The following ADGRV1 variants were observed in gnomAD, a reference collection of about 807,000 sequenced individuals.
ADGRV1 encodes the protein adhesion G protein-coupled receptor V1.
ADGRV1 carries 359 observed loss-of-function variants against 596.2 expected under a neutral mutation model. That is an observed-to-expected ratio of 0.60 (90% confidence interval 0.55 to 0.66). ADGRV1 has a LOEUF of 0.66. Among genes scored for constraint, ADGRV1 ranks in the 30% least tolerant of loss-of-function variants. The pLI is 0.00. For synonymous variants in ADGRV1, 2,681 were observed against 2,679.2 expected (o/e 1.00, Z -0.02); for missense variants, 7,274 against 7,575.6 (o/e 0.96, Z 1.48).
intron 84 of ADGRV1, among the ~76,000 whole-genome samples, chr5:90,974,044 A>T (rs1206180256): frequency 1.3e-5 from 2 of 152,214 alleles, no homozygotes; most frequent in East Asian, 3.9e-4. Context: ...AAGCATTCTT[A>T]TACACCAATA....
At chr5:91,028,037 C>CTTT (rs748293256) in intron 85 of ADGRV1, among the ~76,000 whole-genome samples, 1,144 of 102,584 alleles carry the variant, frequency 0.011, 15 homozygotes, top group African/African-American at 0.036. Flanking sequence ...TTTTTTCTTT[C>CTTT]TTTTTTTTTT....
chr5:90,578,582 T>C (rs1757546791), intron 1 of ADGRV1, among the ~76,000 whole-genome samples: 1 of 152,160 alleles, frequency 6.6e-6, no homozygotes, highest in African/African-American at 2.4e-5. Context: ...TCTTTTTTTG[T>C]TGTGTCTCTG....
At chr5:90,573,144 A>G (rs945412775) in intron 1 of ADGRV1, among the ~76,000 whole-genome samples, 1 of 152,160 alleles carries the variant, frequency 6.6e-6, no homozygotes, top group African/African-American at 2.4e-5. Context: ...CAGCACTGGG[A>G]TGTAGCTTTT....
intron 1 of ADGRV1, among the ~76,000 whole-genome samples, chr5:90,582,875 T>G (rs10062944): frequency 0.089 from 13,558 of 152,226 alleles, 1,902 homozygotes; most frequent in African/African-American, 0.3. Context: ...TGGCTTAGTT[T>G]AAAATGAATT....
chr5:90,596,920 T>G (rs1760755071), intron 1 of ADGRV1, among the ~76,000 whole-genome samples: 1 of 152,102 alleles, frequency 6.6e-6, no homozygotes, highest in East Asian at 1.9e-4. Context: ...ACACACTTCT[T>G]AAAACAAAAA....
At chr5:91,060,396 A>ATTTTTT (rs1403489090) in intron 85 of ADGRV1, among the ~76,000 whole-genome samples, 61 of 27,202 alleles carry the variant, frequency 2.2e-3, no homozygotes, top group Middle Eastern at 0.018. Context: ...ATATATATAT[A>ATTTTTT]TATTTTTTTT....
intron 29 of ADGRV1, among the ~76,000 whole-genome samples, chr5:90,686,392 G>T (rs1745652166): frequency 6.6e-6 from 1 of 151,990 alleles, no homozygotes; most frequent in Non-Finnish European, 1.5e-5. Flanking sequence ...AGTCCCCAGA[G>T]TGTGATGTTC....
At chr5:90,650,966 TC>T (rs1468392362) in intron 17 of ADGRV1, among the ~76,000 whole-genome samples, 2 of 152,102 alleles carry the variant, frequency 1.3e-5, no homozygotes, top group Non-Finnish European at 2.9e-5. Flanking sequence ...GATAGGCACT[TC>T]AGGGAAGTGA....
rs558596968 is a variant in ADGRV1 at position 90,697,090 on chromosome 5, A to G, written c.8099A>G (p.Asn2700Ser). The change falls in exon 34 of 90, where the codon AAT becomes AGT. Residue 2700 changes from asparagine to serine, a missense_variant. By Grantham distance (46) the Asn-to-Ser change is conservative (BLOSUM62 1). This residue lies in a region of ADGRV1 where 3,643 missense variants were observed against 3,809.2 expected (regional missense o/e 0.96). Transcript: ENST00000405460. ...AGAGTGAACATTTTGGCCAATGACA[A>G]TGTGGCAGGAATTGTTAGCTTTCAG... ...TVRVNILAND[N>S]VAGIVSFQTA... 3.7e-6 allele frequency: 6 copies of G among 1,613,446 alleles called. No individual in the cohort carries two copies. The South Asian group carries it at 6.6e-5, about 18-fold the overall frequency.
In ADGRV1 at chr5:91,120,163, C is replaced by T. The variant is rs570610599; in HGVS notation, c.18432+17823C>T. On this transcript the variant is annotated intron_variant, in intron 87 of 89. Transcript: ENST00000405460. ...GCTGGAAGCAGACTCGCCTGGAGCA[C>T]GTGGTCAAGTGGGACTGTGTCTTGT... Among the ~76,000 whole-genome samples, 7 of 152,224 alleles carry T rather than the reference C, an allele frequency of 4.6e-5. No homozygotes were observed. The South Asian group carries it at 1.0e-3, about 23-fold the overall frequency.
chr5:90,654,287 G>T, intron 20 of ADGRV1: 1 of 314,994 alleles, frequency 3.2e-6, no homozygotes, highest in African/African-American at 2.2e-5. Flanking sequence ...GAGATGGGGA[G>T]TGATATTCCT....
intron 1 of ADGRV1, among the ~76,000 whole-genome samples, chr5:90,582,739 A>G (rs1198604876): frequency 6.6e-6 from 1 of 152,090 alleles, no homozygotes; most frequent in Admixed American, 6.6e-5. Flanking sequence ...TAATTAAAAA[A>G]CAAAACATTA....
intron 1 of ADGRV1, among the ~76,000 whole-genome samples, chr5:90,587,598 C>T (rs1230183036): frequency 6.8e-6 from 1 of 147,768 alleles, no homozygotes; most frequent in Non-Finnish European, 1.5e-5. Flanking sequence ...GCCCTGTCAT[C>T]CAGGCTGGAG....
intron 74 of ADGRV1, 111 bp downstream of exon 74, chr5:90,811,449 A>G: frequency 1.0e-6 from 1 of 1,003,326 alleles, no homozygotes; most frequent in Non-Finnish European, 1.4e-6. Context: ...TAAGTTATTC[A>G]TAGGAATGCA....
intron 85 of ADGRV1, among the ~76,000 whole-genome samples, chr5:91,064,168 A>G (rs556410223): frequency 6.6e-6 from 1 of 152,176 alleles, no homozygotes; most frequent in Admixed American, 6.5e-5. Context: ...GCATTTCTTA[A>G]GGATCTGATT....
intron 70 of ADGRV1, among the ~76,000 whole-genome samples, chr5:90,793,683 A>G (rs1760337988): frequency 6.6e-6 from 1 of 150,574 alleles, no homozygotes; most frequent in South Asian, 2.1e-4. Context: ...TCATAAAAAT[A>G]CTTAGCTTTC....
chr5:90,793,834 G>C (rs16869140), intron 70 of ADGRV1, among the ~76,000 whole-genome samples: 10,040 of 151,928 alleles, frequency 0.066, 709 homozygotes, highest in East Asian at 0.28. Flanking sequence ...CTCTTTTTTG[G>C]TCACTTTAAT....
In ADGRV1 at chr5:90,676,208, A is replaced by C. The variant is rs774641769; in HGVS notation, c.5442A>C (p.Gly1814=). 2 of 1,600,214 alleles carry C rather than the reference A, an allele frequency of 1.2e-6. No homozygotes were observed. The highest frequency in any genetic ancestry group is 1.7e-5 in the Admixed American group (1 of 57,674). ...FKVELLNLEG[G]VAELFRVDGS... is the part of the protein sequence containing the mutation. ...TTGAGTTGTTAAACTTGGAAGGAGG[A>C]GGTAAGGCTGGTGATTCAAAAATGT... Residue 1814 remains glycine, a splice_region_variant and synonymous_variant, in exon 25 of 90, where the codon GGA becomes GGC. Coordinates refer to ENST00000405460, the MANE Select transcript of ADGRV1 (RefSeq NM_032119.4).
At chr5:90,831,922 G>T (rs1348889606) in intron 77 of ADGRV1, among the ~76,000 whole-genome samples, 1 of 152,116 alleles carries the variant, frequency 6.6e-6, no homozygotes, top group East Asian at 1.9e-4. Context: ...TCTTTTTAAT[G>T]GCTTAATAGT....
Sources: allele counts gnomAD v4.1 joint callset (sites outside exome capture counted in the v4.1 genomes callset), GRCh38; gene constraint gnomAD v4.1.1; regional missense constraint gnomAD v4.1.1; transcripts MANE v1.5; gene names NCBI Gene and HGNC (gene_info 2026-07-23, HGNC 2026-07-21).